Variants in BRIP1 observed in about 807,000 individuals in gnomAD.
BRIP1 encodes Fanconi anemia group J protein.
Under a neutral mutation model 119.7 loss-of-function variants are expected in BRIP1, and 88 were observed. The ratio of observed to expected loss-of-function variants is 0.74; its 90% CI spans 0.62 to 0.88. BRIP1 has a LOEUF of 0.88. Among genes scored for constraint, BRIP1 ranks in the 40% least tolerant of loss-of-function variants. The pLI is 0.00. For missense variants in BRIP1, 1,259 were observed against 1,455.4 expected, an observed-to-expected ratio of 0.87 and a Z score of 2.20; for synonymous variants, 443 against 496.5, an observed-to-expected ratio of 0.89 and a Z score of 1.43.
chr17:61,694,052 T>C (rs2061489381), intron 17 of BRIP1, among the ~76,000 whole-genome samples: 1 of 152,150 alleles, frequency 6.6e-6, no homozygotes, highest in South Asian at 2.1e-4. Context: ...ATTGTTGGAT[T>C]CAATTTGCTA....
chr17:61,786,817 T>G (rs1252051910), intron 10 of BRIP1, among the ~76,000 whole-genome samples: 1 of 129,890 alleles, frequency 7.7e-6, no homozygotes, highest in Non-Finnish European at 1.6e-5. Context: ...ATATATTTTA[T>G]ATAAATATAT....
At position 61,722,021 on chromosome 17, in the gene BRIP1, G is replaced by A. The variant is rs555628757; in HGVS notation, c.2380-5958C>T. Among the ~76,000 whole-genome samples the A allele has an allele frequency of 6.8e-6, 1 of 146,296 alleles. No individual in the cohort carries two copies. Among genetic ancestry groups the A allele is most frequent in the Non-Finnish European group, 1.5e-5 (1 of 67,158 alleles). ...TGGGATTACAGGTGTGAGCCACCAC[G>A]CCTAGCCAACTTTGCTTTTTTTTTT... On this transcript the variant is annotated intron_variant, in intron 16 of 19. Coordinates refer to ENST00000259008, the MANE Select transcript of BRIP1 (RefSeq NM_032043.3). The surrounding 1 kb of genome is among the most constrained non-coding windows in gnomAD (Gnocchi z 4.6).
At position 61,843,209 on chromosome 17, in the gene BRIP1, G is replaced by C. The variant is rs139124521; in HGVS notation, c.627+3892C>G. Among the ~76,000 whole-genome samples the C allele has an allele frequency of 3.3e-4, 50 of 152,294 alleles. No homozygotes were observed. The East Asian group carries it at 8.1e-3, about 25-fold the overall frequency. The stretch of plus-strand genomic sequence containing the variant: ...TCAGAACAATGGTTACTGGGGCAGG[G>C]AGGTGGGGGATTTGAGGAGATGTTG... On this transcript the variant is annotated intron_variant, in intron 6 of 19. Transcript: ENST00000259008. The surrounding 1 kb of genome is among the most constrained non-coding windows in gnomAD (Gnocchi z 5.7).
At chr17:61,833,958 G>A (rs887345884) in intron 6 of BRIP1, among the ~76,000 whole-genome samples, 2 of 152,120 alleles carry the variant, frequency 1.3e-5, no homozygotes, top group Non-Finnish European at 2.9e-5. Flanking sequence ...TGAGCCATAT[G>A]GTCTCTGTCA....
chr17:61,697,555 T>G (rs1264601108), intron 17 of BRIP1, among the ~76,000 whole-genome samples: 1 of 152,002 alleles, frequency 6.6e-6, no homozygotes, highest in Non-Finnish European at 1.5e-5. Context: ...AACTTCTCTG[T>G]ATTTTCTTTG....
At chr17:61,801,605 C>G (rs778640731) in intron 7 of BRIP1, 131 bp from the exon 8 acceptor site, 3 of 831,934 alleles carry the variant, frequency 3.6e-6, no homozygotes, top group Non-Finnish European at 5.7e-6. Context: ...CGCCACCACA[C>G]CTGGCTAATT....
In BRIP1 at chr17:61,748,280, G is replaced by A. The variant is rs1417524829; in HGVS notation, c.2098-3689C>T. ...AATCTAATGCCTGATGATCTGAGGT[G>A]GAACAGTTTCATCCCGAAACCATCA... On this transcript the variant is annotated intron_variant, in intron 14 of 19. Transcript: ENST00000259008. This position sits in a 1 kb window ranked among gnomAD's most constrained non-coding sequence, Gnocchi z 4.7. Among the ~76,000 whole-genome samples the A allele has an allele frequency of 2.0e-5, 3 of 152,088 alleles. No homozygotes were observed. The highest frequency in any genetic ancestry group is 6.6e-5 in the Admixed American group (1 of 15,264).
intron 14 of BRIP1, among the ~76,000 whole-genome samples, chr17:61,749,130 TGTC>T (rs1166396940): frequency 1.3e-5 from 1 of 78,212 alleles, no homozygotes; most frequent in Non-Finnish European, 2.8e-5. Context: ...AGCGAGACTC[TGTC>T]TAAAAAAAAA....
chr17:61,718,410 G>A (rs772386218), intron 16 of BRIP1, among the ~76,000 whole-genome samples: 1 of 152,302 alleles, frequency 6.6e-6, no homozygotes, highest in South Asian at 2.1e-4. Context: ...TCTTCTGGCT[G>A]CTGGGAACTC....
Position 61,775,939 on chromosome 17 carries a change from A to T in BRIP1, c.2097+462T>A, listed in dbSNP as rs1038469000. The stretch of plus-strand genomic sequence containing the variant: ...TATTCTGTTGCCCACGCTGGAGTGC[A>T]GGGGTGCAATCATAGCTCACTGTAA... On this transcript the variant is annotated intron_variant, in intron 14 of 19. Transcript: ENST00000259008. This position sits in a 1 kb window ranked among gnomAD's most constrained non-coding sequence, Gnocchi z 4.4. 5.4e-6 allele frequency: 1 copy of T among 185,038 alleles called. No homozygotes were observed. The highest frequency in any genetic ancestry group is 1.1e-5 in the Non-Finnish European group (1 of 87,440). The allele number at this position is 185,038 out of a possible 1,614,324, so 11.5% of individuals were successfully genotyped here. A position where few individuals can be genotyped will look rare whatever the true frequency, so the allele number is the denominator to read the frequency against.
rs876660880 is a variant in BRIP1, at chr17:61,861,484, T to C, written c.56A>G (p.Tyr19Cys). ...TIGGVKIYFP[Y>C]KAYPSQLAMM... Reference sequence around the variant, plus strand: ...AGCAAGCTGTGACGGGTAAGCTTTATAAGGAAAGTAAATCTTCACCCCACC... The same window carrying C: ...AGCAAGCTGTGACGGGTAAGCTTTACAAGGAAAGTAAATCTTCACCCCACC... The change falls in exon 2 of 20, where the codon TAT becomes TGT. Residue 19 changes from tyrosine to cysteine, a missense_variant. Around this residue, in one of 3 missense-constraint regions of BRIP1, gnomAD observed 501 missense variants for 544.0 expected, o/e 0.92. Coordinates refer to ENST00000259008, the MANE Select transcript of BRIP1 (RefSeq NM_032043.3). This position sits in a 1 kb window ranked among gnomAD's most constrained non-coding sequence, Gnocchi z 4.5. 3.1e-6 allele frequency: 5 copies of C among 1,613,466 alleles called. No individual in the cohort carries two copies. Among genetic ancestry groups the C allele is most frequent in the South Asian group, 2.2e-5 (2 of 91,068 alleles).
At position 61,707,719 on chromosome 17, in the gene BRIP1, T is replaced by A. The variant is rs558931843; in HGVS notation, c.2492+8232A>T. Among the ~76,000 whole-genome samples the A allele has an allele frequency of 2.0e-5, 3 of 152,318 alleles. No homozygotes were observed. The South Asian group carries it at 6.2e-4, about 32-fold the overall frequency. On this transcript the variant is annotated intron_variant, in intron 17 of 19. Coordinates refer to ENST00000259008, the MANE Select transcript of BRIP1 (RefSeq NM_032043.3). Reference sequence around the variant, plus strand: ...TCATGGAGGCAATATGGTACATCTCTATGGATATTAAGATTTTTTTTTGAA... The same window carrying A: ...TCATGGAGGCAATATGGTACATCTCAATGGATATTAAGATTTTTTTTTGAA...
In BRIP1 at chr17:61,748,580, A is replaced by G. The variant is rs528951040; in HGVS notation, c.2098-3989T>C. ...CATGACACTTACATCTTACAAACCC[A>G]CCATAATCAAAATAGTAATTGCATT... On this transcript the variant is annotated intron_variant, in intron 14 of 19. Coordinates refer to ENST00000259008, the MANE Select transcript of BRIP1 (RefSeq NM_032043.3). This position sits in a 1 kb window ranked among gnomAD's most constrained non-coding sequence, Gnocchi z 4.7. 6.6e-6 allele frequency among the ~76,000 whole-genome samples: 1 copy of G among 152,294 alleles called. No individual in the cohort carries two copies. The highest frequency in any genetic ancestry group is 1.5e-5 in the Non-Finnish European group (1 of 68,024).
rs528649716 is a variant in BRIP1, at chr17:61,695,677, T to C, written c.2493-2165A>G. On this transcript the variant is annotated intron_variant, in intron 17 of 19. Coordinates refer to ENST00000259008, the MANE Select transcript of BRIP1 (RefSeq NM_032043.3). The surrounding 1 kb of genome is among the most constrained non-coding windows in gnomAD (Gnocchi z 4.3). Reference sequence around the variant, plus strand: ...CAATAATGTCTTGCAGTTTTCAGTATACAGATCTTTCATCTCCTTAGTTAA... The same window carrying C: ...CAATAATGTCTTGCAGTTTTCAGTACACAGATCTTTCATCTCCTTAGTTAA... Among the ~76,000 whole-genome samples, 3 of 152,298 alleles carry C rather than the reference T, an allele frequency of 2.0e-5. No individual in the cohort carries two copies. The highest frequency in any genetic ancestry group is 3.9e-4 in the East Asian group (2 of 5,190).
In BRIP1 at chr17:61,754,044, T is replaced by C. The variant is rs2077169312; in HGVS notation, c.2098-9453A>G. ...TGGTCCAAGCCACCACCATCTATCA[T>C]CTAGATTACAGCAGACTCCTTAACA... On this transcript the variant is annotated intron_variant, in intron 14 of 19. Transcript: ENST00000259008. This position sits in a 1 kb window ranked among gnomAD's most constrained non-coding sequence, Gnocchi z 4.1. Among the ~76,000 whole-genome samples the C allele has an allele frequency of 6.6e-6, 1 of 152,198 alleles. No homozygotes were observed. Among genetic ancestry groups the C allele is most frequent in the Non-Finnish European group, 1.5e-5 (1 of 68,048 alleles).
Position 61,685,991 on chromosome 17 carries a change from CTGTACTTT to C in BRIP1, c.2742_2749del (p.Lys915TyrfsTer21), listed in dbSNP as rs2144112699. On this transcript the variant is annotated frameshift_variant, in exon 19 of 20. Coordinates refer to ENST00000259008, the MANE Select transcript of BRIP1 (RefSeq NM_032043.3). LOFTEE classifies it high-confidence loss of function. ...TGCTTCCAGTAAATAAGGTGAGGTA[CTGTACTTT>C]AAAGAGGTCACTTCAAGTGTAGACT... The C allele has an allele frequency of 6.2e-7, 1 of 1,613,986 alleles. No homozygotes were observed. The highest frequency in any genetic ancestry group is 8.5e-7 in the Non-Finnish European group (1 of 1,179,928).
rs576489724 is a variant in BRIP1 at position 61,789,280 on chromosome 17, A to C, written c.1473+4317T>G. 3.6e-4 allele frequency among the ~76,000 whole-genome samples: 55 copies of C among 151,904 alleles called. No individual in the cohort carries two copies. The highest frequency in any genetic ancestry group is 6.9e-4 in the Non-Finnish European group (47 of 67,984). ...AGACTCTGTCTCTTAAAAACAAAAA[A>C]AAAAAGTTAAAAAATATTTTTTTAA... On this transcript the variant is annotated intron_variant, in intron 10 of 19. Coordinates refer to ENST00000259008, the MANE Select transcript of BRIP1 (RefSeq NM_032043.3). This position sits in a 1 kb window ranked among gnomAD's most constrained non-coding sequence, Gnocchi z 4.8.
chr17:61,772,210 A>ATAT (rs1567804829), intron 14 of BRIP1, among the ~76,000 whole-genome samples: 2 of 99,606 alleles, frequency 2.0e-5, no homozygotes, highest in South Asian at 4.6e-4. Context: ...TATATATATA[A>ATAT]AATGAAATAT....
At chr17:61,786,430 G>C (rs1008368431) in intron 10 of BRIP1, among the ~76,000 whole-genome samples, 2 of 151,834 alleles carry the variant, frequency 1.3e-5, no homozygotes, top group Non-Finnish European at 2.9e-5. Flanking sequence ...GAGTGGGTCA[G>C]AGGAATGCTT....
Sources: gnomAD v4.1 joint callset for allele counts (sites outside exome capture counted in the v4.1 genomes callset) on GRCh38, gnomAD v4.1.1 for gene constraint, gnomAD v4.1.1 regional missense constraint, Gnocchi (gnomAD v3.1) non-coding constraint, MANE v1.5 for transcripts, NCBI Gene and HGNC (gene_info 2026-07-23, HGNC 2026-07-21) for gene names.